The following FREM1 variants were observed in gnomAD, a reference collection of about 807,000 sequenced individuals.
FREM1 encodes the protein FRAS1 related extracellular matrix 1, also known as FRAS1-related extracellular matrix protein 1.
A neutral mutation model predicts 210.1 loss-of-function variants in FREM1; 220 were observed. The ratio of observed to expected loss-of-function variants is 1.05; its 90% CI spans 0.94 to 1.17. The LOEUF (loss-of-function observed/expected upper bound fraction) is 1.17. FREM1 is among the 50% of genes most tolerant of loss of function. The pLI, the probability that FREM1 is intolerant of heterozygous loss-of-function variation, is 0.00. For synonymous variants in FREM1, 1,189 were observed against 980.2 expected, an observed-to-expected ratio of 1.21 and a Z score of -3.98; for missense variants, 3,454 against 2,675.5, an observed-to-expected ratio of 1.29 and a Z score of -6.42.
chr9:14,753,157 G>A (rs1476029816), intron 29 of FREM1, among the ~76,000 whole-genome samples: 1 of 152,186 alleles, frequency 6.6e-6, no homozygotes, highest in Non-Finnish European at 1.5e-5. Flanking sequence ...GCTTGGACTG[G>A]CTCCCTGTTC....
chr9:14,869,542 G>A (rs142750185), intron 1 of FREM1, among the ~76,000 whole-genome samples: 31 of 152,304 alleles, frequency 2.0e-4, no homozygotes, highest in African/African-American at 7.2e-4. Flanking sequence ...TTGCCAACAA[G>A]TGTGGCTTTT....
At chr9:14,823,353 G>A in intron 12 of FREM1, 26 bp from the exon 13 acceptor site, 2 of 1,602,574 alleles carry the variant, frequency 1.2e-6, no homozygotes, top group Non-Finnish European at 1.7e-6. Context: ...AGATGGATAT[G>A]TGGGTGCTGA....
intron 1 of FREM1, among the ~76,000 whole-genome samples, chr9:14,893,736 A>C (rs945854578): frequency 6.6e-6 from 1 of 152,234 alleles, no homozygotes; most frequent in African/African-American, 2.4e-5. Flanking sequence ...GTAAAAGACT[A>C]TAAGAAGTCA....
intron 1 of FREM1, among the ~76,000 whole-genome samples, chr9:14,896,163 C>A (rs1837677653): frequency 6.6e-6 from 1 of 152,172 alleles, no homozygotes; most frequent in South Asian, 2.1e-4. Context: ...CTCTGATCGT[C>A]CTCACTGCTA....
chr9:14,855,812 T>C (rs566481827), intron 5 of FREM1, among the ~76,000 whole-genome samples: 2 of 151,808 alleles, frequency 1.3e-5, no homozygotes, highest in South Asian at 4.2e-4. Context: ...TATAAACAAA[T>C]AAAGGCGTAT....
chr9:14,768,127 G>A (rs1846784722), intron 27 of FREM1, among the ~76,000 whole-genome samples: 1 of 152,150 alleles, frequency 6.6e-6, no homozygotes, highest in African/African-American at 2.4e-5. Context: ...GGGTGAAGCA[G>A]TATCAGCCTA....
chr9:14,817,660 A>G (rs1329323310), intron 14 of FREM1, among the ~76,000 whole-genome samples: 2 of 152,226 alleles, frequency 1.3e-5, no homozygotes, highest in Non-Finnish European at 2.9e-5. Flanking sequence ...GTATTAAAAA[A>G]TAATATAATA....
chr9:14,824,690 T>C (rs778405367), intron 11 of FREM1, 106 bp downstream of exon 11: 17 of 744,712 alleles, frequency 2.3e-5, no homozygotes, highest in Non-Finnish European at 3.5e-5. Flanking sequence ...GCCTGACCAA[T>C]GGAGCAAGTA....
In FREM1 at chr9:14,792,784, C is replaced by G. The variant is rs1851655511; in HGVS notation, c.3940G>C (p.Val1314Leu). The G allele has an allele frequency of 6.2e-7, 1 of 1,606,010 alleles. No individual in the cohort carries two copies. The highest frequency in any genetic ancestry group is 8.5e-7 in the Non-Finnish European group (1 of 1,176,870). ...CCATTTTGGGGAAGCCTTTCAAATA[C>G]ATAGTAAATCTTCTCCCTGGGTGAG... is the stretch of plus-strand genomic sequence containing the variant. Reference protein sequence around the residue: ...EDSPREKIYYVFERLPQNGQL... With the variant: ...EDSPREKIYYLFERLPQNGQL... The change falls in exon 22 of 37, where the codon GTA becomes CTA. Residue 1314 changes from valine (V) to leucine (L), a missense_variant. Physicochemically the swap from Val to Leu is conservative, Grantham distance 32. Transcript: ENST00000380880.
At chr9:14,820,721 A>G (rs1482220706) in intron 13 of FREM1, among the ~76,000 whole-genome samples, 2 of 152,124 alleles carry the variant, frequency 1.3e-5, no homozygotes, top group African/African-American at 2.4e-5. Flanking sequence ...TCAACTACCA[A>G]TGCAAAAACA....
chr9:14,842,782 T>C (rs1825915099), intron 8 of FREM1, 122 bp from the exon 9 acceptor site: 1 of 667,656 alleles, frequency 1.5e-6, no homozygotes, highest in Non-Finnish European at 2.5e-6. Context: ...TTCCCTCACC[T>C]GGAAAAACTA....
chr9:14,828,645 GGGGA>G (rs1822950641), intron 10 of FREM1, among the ~76,000 whole-genome samples: 25 of 135,950 alleles, frequency 1.8e-4, no homozygotes, highest in Non-Finnish European at 2.9e-4. Flanking sequence ...TGGCGGGGCG[GGGGA>G]GGTGCCGGGG....
At chr9:14,791,753 A>G (rs1851362429) in intron 22 of FREM1, among the ~76,000 whole-genome samples, 1 of 152,228 alleles carries the variant, frequency 6.6e-6, no homozygotes, top group African/African-American at 2.4e-5. Flanking sequence ...AATTGGAAGG[A>G]AAGAAAGAAA....
At chr9:14,765,880 C>CG (rs1243804410) in intron 27 of FREM1, among the ~76,000 whole-genome samples, 2 of 152,200 alleles carry the variant, frequency 1.3e-5, no homozygotes, top group African/African-American at 4.8e-5. Context: ...AAGAGGTCCA[C>CG]GTAGAAGCTG....
intron 5 of FREM1, among the ~76,000 whole-genome samples, chr9:14,854,094 G>A (rs183708600): frequency 2.6e-5 from 4 of 152,278 alleles, no homozygotes; most frequent in Admixed American, 6.5e-5. Context: ...AAGGAGCCAA[G>A]AGAGCTCACT....
intron 35 of FREM1, among the ~76,000 whole-genome samples, chr9:14,740,760 T>C (rs2131879883): frequency 6.6e-6 from 1 of 152,342 alleles, no homozygotes; most frequent in East Asian, 1.9e-4. Flanking sequence ...TAGCCCCAAC[T>C]GTCAAACCTT....
At chr9:14,843,444 G>C (rs1007371532) in intron 8 of FREM1, among the ~76,000 whole-genome samples, 3 of 152,114 alleles carry the variant, frequency 2.0e-5, no homozygotes, top group Admixed American at 2.0e-4. Context: ...GAACCTCTCA[G>C]CCTCCGCAAT....
chr9:14,761,284 G>A (rs985297637), intron 27 of FREM1, among the ~76,000 whole-genome samples: 5 of 152,162 alleles, frequency 3.3e-5, no homozygotes, highest in Non-Finnish European at 5.9e-5. Flanking sequence ...TAGGTTCATA[G>A]CTGAGCATCA....
intron 16 of FREM1, among the ~76,000 whole-genome samples, chr9:14,808,988 T>A (rs893844892): frequency 2.0e-5 from 3 of 152,208 alleles, no homozygotes; most frequent in Admixed American, 1.3e-4. Context: ...TACGGTTTGG[T>A]TGTTCCCCCG....
Sources: gnomAD v4.1 joint callset for allele counts (sites outside exome capture counted in the v4.1 genomes callset) on GRCh38, gnomAD v4.1.1 for gene constraint, MANE v1.5 for transcripts, NCBI Gene and HGNC (gene_info 2026-07-23, HGNC 2026-07-21) for gene names.